Variants in RAB3C observed in about 807,000 individuals in gnomAD.
RAB3C encodes the protein ras-related protein Rab-3C.
Under a neutral mutation model 26.4 loss-of-function variants are expected in RAB3C, and 17 were observed. The observed-to-expected ratio is 0.64, with a 90% CI of 0.44 to 0.97. RAB3C has a LOEUF of 0.97. Among genes scored for constraint, RAB3C ranks in the 50% least tolerant of loss-of-function variants. RAB3C has a pLI of 0.00. For synonymous variants in RAB3C, 91 were observed against 95.9 expected (o/e 0.95, Z 0.30); for missense variants, 242 against 281.9 (o/e 0.86, Z 1.01).
chr5:58,749,306 C>T (rs531279916), intron 3 of RAB3C, among the ~76,000 whole-genome samples: 51 of 152,244 alleles, frequency 3.3e-4, no homozygotes, highest in African/African-American at 1.2e-3. Context: ...AAAAAAATTT[C>T]AATGTGGTTG....
At chr5:58,597,213 AATAT>A (rs1390750071) in intron 1 of RAB3C, among the ~76,000 whole-genome samples, 28 of 1,168 alleles carry the variant, frequency 0.024, no homozygotes, top group African/African-American at 0.048. Context: ...ATACTACATA[AATAT>A]TATATAATAT....
chr5:58,843,236 A>C (rs886809530), intron 4 of RAB3C, among the ~76,000 whole-genome samples: 1 of 152,196 alleles, frequency 6.6e-6, no homozygotes, highest in Non-Finnish European at 1.5e-5. Flanking sequence ...AATTTCATTC[A>C]TTTGGGCCCT....
chr5:58,740,624 A>C (rs1446406549), intron 3 of RAB3C, among the ~76,000 whole-genome samples: 1 of 152,204 alleles, frequency 6.6e-6, no homozygotes, highest in Non-Finnish European at 1.5e-5. Flanking sequence ...GATAAAGATC[A>C]GCCTGGCCAG....
chr5:58,716,120 A>C (rs1268709994), intron 2 of RAB3C, among the ~76,000 whole-genome samples: 8 of 151,692 alleles, frequency 5.3e-5, no homozygotes, highest in African/African-American at 1.9e-4. Flanking sequence ...AGGGGTTATC[A>C]TCTATACCAT....
At chr5:58,778,102 GA>G (rs1196148967) in intron 3 of RAB3C, among the ~76,000 whole-genome samples, 2 of 151,812 alleles carry the variant, frequency 1.3e-5, no homozygotes, top group African/African-American at 2.4e-5. Flanking sequence ...TTTATTTTTG[GA>G]AAAAAACTTA....
intron 2 of RAB3C, among the ~76,000 whole-genome samples, chr5:58,698,531 G>C (rs1748767898): frequency 6.6e-6 from 1 of 152,148 alleles, no homozygotes; most frequent in African/African-American, 2.4e-5. Context: ...TTCCAACTTG[G>C]TTCCATTTTC....
chr5:58,609,841 G>C (rs1473578650), intron 1 of RAB3C, among the ~76,000 whole-genome samples: 1 of 152,124 alleles, frequency 6.6e-6, no homozygotes, highest in Non-Finnish European at 1.5e-5. Flanking sequence ...TCAGAAGCCA[G>C]GATTAGGATT....
At position 58,858,639 on chromosome 5, in the gene RAB3C, A is replaced by G. The variant is rs1744316578; in HGVS notation, c.*7288A>G. 1 of 152,166 alleles carries G rather than the reference A, an allele frequency of 6.6e-6. No individual in the cohort carries two copies. Among genetic ancestry groups the G allele is most frequent in the Non-Finnish European group, 1.5e-5 (1 of 68,030 alleles). The allele number at this position is 152,166 out of a possible 1,614,324, so 9.4% of individuals were successfully genotyped here. ...AGGTAGTGAGGAGATTGTGCCAGGA[A>G]AATAAGTGGGAAAGGCCACAGTTAT... On this transcript the variant is annotated 3_prime_UTR_variant, in exon 5 of 5. Transcript: ENST00000282878.
intron 2 of RAB3C, among the ~76,000 whole-genome samples, chr5:58,629,574 C>A (rs1197488849): frequency 6.6e-6 from 1 of 152,154 alleles, no homozygotes; most frequent in Non-Finnish European, 1.5e-5. Context: ...GCAAAGGGAT[C>A]AGCCACCATC....
chr5:58,641,952 A>C (rs1393874167), intron 2 of RAB3C, among the ~76,000 whole-genome samples: 1 of 152,208 alleles, frequency 6.6e-6, no homozygotes, highest in African/African-American at 2.4e-5. Context: ...AGTTGTTAAG[A>C]GCACAGGCTC....
rs1011263981 is a variant in RAB3C at position 58,855,671 on chromosome 5, T to G, written c.*4320T>G. The G allele has an allele frequency of 6.6e-6, 1 of 152,238 alleles. No individual in the cohort carries two copies. Among genetic ancestry groups the G allele is most frequent in the African/African-American group, 2.4e-5 (1 of 41,464 alleles). 9.4% of individuals were successfully genotyped at this position (152,238 alleles called of 1,614,324 possible). On this transcript the variant is annotated 3_prime_UTR_variant, in exon 5 of 5. Transcript: ENST00000282878. ...CCTTTGAGCCAGCTTTTGGGAGTTC[T>G]TCATATTTTAGGTGAATTTTTGACC... is the stretch of plus-strand genomic sequence containing the variant.
chr5:58,701,900 C>A (rs1278974275), intron 2 of RAB3C, among the ~76,000 whole-genome samples: 2 of 152,058 alleles, frequency 1.3e-5, no homozygotes, highest in Admixed American at 6.6e-5. Context: ...TTAATTTAAT[C>A]ATACCTATGA....
rs563838927 is a variant in RAB3C at position 58,711,449 on chromosome 5, A to G, written c.253-14553A>G. 1.2e-4 allele frequency among the ~76,000 whole-genome samples: 19 copies of G among 152,320 alleles called. No individual in the cohort carries two copies. The South Asian group carries it at 3.9e-3, about 32-fold the overall frequency. On this transcript the variant is annotated intron_variant, in intron 2 of 4. Coordinates refer to ENST00000282878, the MANE Select transcript of RAB3C (RefSeq NM_138453.4). ...TCATTTTGGAAATCAGGAAACATGC[A>G]CAGAGAGGTTAGATGATATTTCTGA...
At chr5:58,828,901 C>CTTTTTTTTTTTTTTTTT (rs762653092) in intron 4 of RAB3C, among the ~76,000 whole-genome samples, 2 of 122,446 alleles carry the variant, frequency 1.6e-5, no homozygotes, top group Non-Finnish European at 1.7e-5. Flanking sequence ...TTTTACCATG[C>CTTTTTTTTTTTTTTTTT]TTTTTTTTTT....
chr5:58,738,663 C>T (rs1741208208), intron 3 of RAB3C, among the ~76,000 whole-genome samples: 1 of 152,006 alleles, frequency 6.6e-6, no homozygotes, highest in Non-Finnish European at 1.5e-5. Context: ...GCAGCCTTAC[C>T]CAAGTCAGGC....
chr5:58,839,375 T>A (rs2112077556), intron 4 of RAB3C, among the ~76,000 whole-genome samples: 1 of 151,374 alleles, frequency 6.6e-6, no homozygotes, highest in South Asian at 2.1e-4. Flanking sequence ...ATTTATTTAT[T>A]TATTTATTTT....
chr5:58,711,296 C>T lies in RAB3C; in HGVS notation c.253-14706C>T, dbSNP rs1359018876. Among the ~76,000 whole-genome samples the T allele has an allele frequency of 4.6e-5, 7 of 152,176 alleles. No homozygotes were observed. The East Asian group carries it at 1.3e-3, about 29-fold the overall frequency. On this transcript the variant is annotated intron_variant, in intron 2 of 4. Coordinates refer to ENST00000282878, the MANE Select transcript of RAB3C (RefSeq NM_138453.4). ...ACAGACACTTTCTACTGGGATCTGA[C>T]AGGCTCGCTTCGATTTTTTACTCAT...
chr5:58,608,596 T>C (rs1404210296), intron 1 of RAB3C, among the ~76,000 whole-genome samples: 2 of 152,238 alleles, frequency 1.3e-5, no homozygotes, highest in African/African-American at 2.4e-5. Context: ...GATGGGAGTG[T>C]AAATTAATTT....
At chr5:58,623,147 A>G (rs1425166209) in intron 2 of RAB3C, among the ~76,000 whole-genome samples, 1 of 152,230 alleles carries the variant, frequency 6.6e-6, no homozygotes, top group African/African-American at 2.4e-5. Flanking sequence ...ATAGATATGC[A>G]CAGAAGGAGG....
Sources: allele counts gnomAD v4.1 joint callset (sites outside exome capture counted in the v4.1 genomes callset), GRCh38; gene constraint gnomAD v4.1.1; transcripts MANE v1.5; gene names NCBI Gene and HGNC (gene_info 2026-07-23, HGNC 2026-07-21).